The following UNC80 variants were observed in gnomAD, a reference collection of about 807,000 sequenced individuals.
The protein encoded by UNC80 is unc-80 subunit of NALCN channel complex, also known as protein unc-80 homolog.
In UNC80, 164 loss-of-function variants were observed where a neutral mutation model predicts 384.6. The ratio of observed to expected loss-of-function variants is 0.43; its 90% CI spans 0.38 to 0.49. UNC80 has a LOEUF of 0.49. Ranked by LOEUF, UNC80 falls within the 20% of genes least tolerant of loss-of-function variation. The pLI is 0.00. For missense variants in UNC80, 3,330 were observed against 4,143.0 expected (o/e 0.80, Z 5.39); for synonymous variants, 1,486 against 1,527.8 (o/e 0.97, Z 0.64).
chr2:209,861,077 A>G (rs2083313012), intron 22 of UNC80, among the ~76,000 whole-genome samples: 1 of 152,170 alleles, frequency 6.6e-6, no homozygotes, highest in African/African-American at 2.4e-5. Context: ...AGAACTTCCA[A>G]TACTATGTTG....
Position 209,986,938 on chromosome 2 carries a change from A to G in UNC80, c.9314+2026A>G, listed in dbSNP as rs141561205. ...CCAGACTTTCTTATTTTTGGCATGA[A>G]CTTCCTTTAAGCTGCAGACTCTTAA... On this transcript the variant is annotated intron_variant, in intron 61 of 64. Transcript: ENST00000673920. Among the ~76,000 whole-genome samples the G allele has an allele frequency of 1.5e-3, 230 of 152,286 alleles. 1 individual carries two copies. Among genetic ancestry groups the G allele is most frequent in the African/African-American group, 5.3e-3 (221 of 41,574 alleles).
chr2:209,820,123 C>T (rs186981990), intron 12 of UNC80, among the ~76,000 whole-genome samples, 188 bp from the exon 13 acceptor site: 55 of 152,226 alleles, frequency 3.6e-4, no homozygotes, highest in Non-Finnish European at 6.0e-4. Context: ...GTGACTTACA[C>T]GCTCTATTAA....
chr2:209,970,809 C>T, intron 53 of UNC80, 23 bp from the exon 54 acceptor site: 1 of 1,549,946 alleles, frequency 6.5e-7, no homozygotes, highest in Non-Finnish European at 8.7e-7. Flanking sequence ...CAAGGCTGGT[C>T]ATGTGCTCTG....
intron 36 of UNC80, among the ~76,000 whole-genome samples, chr2:209,927,564 C>A (rs1471783852): frequency 1.3e-5 from 2 of 152,170 alleles, no homozygotes; most frequent in South Asian, 2.1e-4. Flanking sequence ...GAGACAACAT[C>A]GTTGTTTAAA....
At chr2:209,910,281 A>G (rs2088766080) in intron 29 of UNC80, among the ~76,000 whole-genome samples, 1 of 151,956 alleles carries the variant, frequency 6.6e-6, no homozygotes, top group African/African-American at 2.4e-5. Flanking sequence ...TCAAAGGACC[A>G]CTAGTAGATG....
chr2:209,839,055 C>G lies in UNC80; in HGVS notation c.3042-167C>G, dbSNP rs760381442. On this transcript the variant is annotated intron_variant, in intron 18 of 64. Coordinates refer to ENST00000673920, the MANE Select transcript of UNC80 (RefSeq NM_001371986.1). This position sits in a 1 kb window ranked among gnomAD's most constrained non-coding sequence, Gnocchi z 4.1. ...TTCAAGAAGAGCTCAGAAGATGAAC[C>G]TTGATCTCTTTCCTCCCACTTCAAT... 1.3e-5 allele frequency among the ~76,000 whole-genome samples: 2 copies of G among 152,116 alleles called. No individual in the cohort carries two copies. The highest frequency in any genetic ancestry group is 4.8e-5 in the African/African-American group (2 of 41,400).
intron 62 of UNC80, 45 bp from the exon 63 acceptor site, chr2:209,993,270 G>A (rs992088116): frequency 1.6e-5 from 23 of 1,419,706 alleles, no homozygotes; most frequent in East Asian, 1.3e-4. Flanking sequence ...TTCCTCCTAG[G>A]CAGTTAGACC....
chr2:209,912,671 T>C lies in UNC80; in HGVS notation c.4890+4T>C. On this transcript the variant is annotated splice_donor_region_variant and intron_variant, in intron 30 of 64. Transcript: ENST00000673920. Reference sequence around the variant, plus strand: ...GCTGAAGTACATCAGACTTCAGGTATTGTTACCTGGATCAGAAGGATTCAT... The same window carrying C: ...GCTGAAGTACATCAGACTTCAGGTACTGTTACCTGGATCAGAAGGATTCAT... 6.5e-7 allele frequency: 1 copy of C among 1,537,466 alleles called. No individual in the cohort carries two copies. Among genetic ancestry groups the C allele is most frequent in the Non-Finnish European group, 8.8e-7 (1 of 1,135,124 alleles).
At chr2:209,866,533 C>CACAG (rs1307214321) in intron 22 of UNC80, among the ~76,000 whole-genome samples, 2,387 of 104,028 alleles carry the variant, frequency 0.023, 64 homozygotes, top group Admixed American at 0.051. Context: ...CACACACACA[C>CACAG]AGAGAGAGAG....
intron 40 of UNC80, 141 bp from the exon 41 acceptor site, chr2:209,936,702 GT>G: frequency 3.2e-6 from 2 of 626,052 alleles, no homozygotes; most frequent in South Asian, 3.9e-5. Context: ...AACGTATACA[GT>G]TTACATAAGA....
chr2:209,941,629 T>TC (rs1206822837), intron 44 of UNC80, 140 bp downstream of exon 44: 48 of 1,038,582 alleles, frequency 4.6e-5, no homozygotes, highest in Non-Finnish European at 5.9e-5. Flanking sequence ...ACAAATGAAA[T>TC]CCCCCCATAA....
intron 14 of UNC80, among the ~76,000 whole-genome samples, chr2:209,828,209 T>A (rs2080685474): frequency 6.6e-6 from 1 of 152,178 alleles, no homozygotes; most frequent in Non-Finnish European, 1.5e-5. Context: ...CTTCACAAAT[T>A]CTTTATAGAA....
intron 47 of UNC80, among the ~76,000 whole-genome samples, chr2:209,953,353 T>C (rs1468390705): frequency 6.9e-6 from 1 of 145,786 alleles, no homozygotes; most frequent in Non-Finnish European, 1.5e-5. Flanking sequence ...AGGCAGAGGT[T>C]GTAGTGAGCC....
At chr2:209,808,543 A>AAAT (rs1337844095) in intron 7 of UNC80, among the ~76,000 whole-genome samples, 1 of 150,372 alleles carries the variant, frequency 6.7e-6, no homozygotes, top group Admixed American at 6.6e-5. Flanking sequence ...AAAAAAAAAA[A>AAAT]GTAAGGCGGG....
chr2:209,883,632 A>G (rs1218669794), intron 25 of UNC80, among the ~76,000 whole-genome samples: 2 of 151,724 alleles, frequency 1.3e-5, no homozygotes, highest in African/African-American at 2.4e-5. Flanking sequence ...ATGGGGTTTC[A>G]CCATGTTAGC....
chr2:209,808,718 G>A (rs1040845339), intron 7 of UNC80: 5 of 225,976 alleles, frequency 2.2e-5, no homozygotes, highest in South Asian at 1.6e-4. Flanking sequence ...CGGAGCGGCT[G>A]CACTCATTGC....
At chr2:209,903,839 C>T (rs1190917409) in intron 28 of UNC80, among the ~76,000 whole-genome samples, 1 of 151,380 alleles carries the variant, frequency 6.6e-6, no homozygotes, top group Non-Finnish European at 1.5e-5. Context: ...CACATGGCTG[C>T]AATCAACATA....
intron 49 of UNC80, 117 bp downstream of exon 49, chr2:209,957,853 G>A: frequency 6.8e-6 from 6 of 888,576 alleles, no homozygotes; most frequent in Admixed American, 3.1e-5. Flanking sequence ...AAACCTCCAA[G>A]GAAAAGAAAA....
intron 60 of UNC80, among the ~76,000 whole-genome samples, chr2:209,983,217 T>C (rs2093202141): frequency 6.6e-6 from 1 of 152,192 alleles, no homozygotes; most frequent in African/African-American, 2.4e-5. Flanking sequence ...TATGTAGGAA[T>C]AATTACCCTG....
Sources: gnomAD v4.1 joint callset for allele counts (sites outside exome capture counted in the v4.1 genomes callset) on GRCh38, gnomAD v4.1.1 for gene constraint, Gnocchi (gnomAD v3.1) non-coding constraint, MANE v1.5 for transcripts, NCBI Gene and HGNC (gene_info 2026-07-23, HGNC 2026-07-21) for gene names.